The following GAB2 variants were observed in gnomAD, a reference collection of about 807,000 sequenced individuals.
The protein encoded by GAB2 is GRB2-associated-binding protein 2.
In GAB2, 26 loss-of-function variants were observed where a neutral mutation model predicts 65.5. The observed-to-expected ratio is 0.40, with a 90% CI of 0.29 to 0.55. The LOEUF is 0.55. GAB2 is among the 20% of genes least tolerant of loss of function. The probability of loss-of-function intolerance (pLI) is 0.53; values close to 1 mark genes in which losing one functional copy is unlikely to be tolerated. For synonymous variants in GAB2, 321 were observed against 329.6 expected, an observed-to-expected ratio of 0.97 and a Z score of 0.28; for missense variants, 884 against 875.8, an observed-to-expected ratio of 1.01 and a Z score of -0.12.
chr11:78,342,842 T>C (rs754462328), intron 1 of GAB2, among the ~76,000 whole-genome samples: 3 of 152,190 alleles, frequency 2.0e-5, no homozygotes, highest in Non-Finnish European at 4.4e-5. Context: ...TTAGTACAAG[T>C]AGGAGGCTCT....
At chr11:78,357,822 T>C (rs557952802) in intron 1 of GAB2, among the ~76,000 whole-genome samples, 24 of 152,234 alleles carry the variant, frequency 1.6e-4, no homozygotes, top group African/African-American at 4.8e-4. Flanking sequence ...TGTGGAGAAA[T>C]AGGAACACTT....
At chr11:78,289,174 T>C (rs555085282) in intron 1 of GAB2, among the ~76,000 whole-genome samples, 1 of 152,244 alleles carries the variant, frequency 6.6e-6, no homozygotes, top group Admixed American at 6.5e-5. Flanking sequence ...CCAAGGTAGG[T>C]GGATCACTTG....
chr11:78,389,737 A>G (rs1181759609), intron 1 of GAB2, among the ~76,000 whole-genome samples: 1 of 152,232 alleles, frequency 6.6e-6, no homozygotes, highest in Admixed American at 6.5e-5. Flanking sequence ...TTACATCCCA[A>G]CAAAGCTGTT....
intron 1 of GAB2, among the ~76,000 whole-genome samples, chr11:78,317,103 G>C (rs925996641): frequency 1.5e-4 from 23 of 152,138 alleles, no homozygotes; most frequent in African/African-American, 5.6e-4. Flanking sequence ...GATTCAGAGA[G>C]ACAAAAAATA....
chr11:78,297,686 T>G (rs1378689957), intron 1 of GAB2, among the ~76,000 whole-genome samples: 3 of 151,960 alleles, frequency 2.0e-5, no homozygotes, highest in African/African-American at 7.3e-5. Flanking sequence ...AAGGCAGGGG[T>G]AGATTGAAGT....
At chr11:78,237,042 G>T (rs1865001610) in intron 3 of GAB2, among the ~76,000 whole-genome samples, 1 of 152,094 alleles carries the variant, frequency 6.6e-6, no homozygotes, top group East Asian at 1.9e-4. Flanking sequence ...TGATAGTAGG[G>T]TTATGCTGGT....
chr11:78,377,260 G>A (rs1856643008), intron 1 of GAB2, among the ~76,000 whole-genome samples: 1 of 152,246 alleles, frequency 6.6e-6, no homozygotes, highest in Non-Finnish European at 1.5e-5. Context: ...CCAGGATGAA[G>A]GAACTAGTAG....
rs905530436 is a variant in GAB2, at chr11:78,264,531, G to A, written c.377-14131C>T. On this transcript the variant is annotated intron_variant, in intron 2 of 9. Transcript: ENST00000361507. The stretch of plus-strand genomic sequence containing the variant: ...TTTTCCTGCCGCAGCCTCCTGAGTA[G>A]CTGGGACTACAGGCACGTGCCACCA... Among the ~76,000 whole-genome samples, 5 of 151,988 alleles carry A rather than the reference G, an allele frequency of 3.3e-5. No individual in the cohort carries two copies. The East Asian group carries it at 9.6e-4, about 29-fold the overall frequency.
chr11:78,234,779 G>T (rs1864940155), intron 3 of GAB2, among the ~76,000 whole-genome samples: 1 of 151,958 alleles, frequency 6.6e-6, no homozygotes, highest in Non-Finnish European at 1.5e-5. Flanking sequence ...TATAAATCCT[G>T]ACTTTATTGT....
At chr11:78,413,860 G>A (rs879843315) in intron 1 of GAB2, among the ~76,000 whole-genome samples, 12 of 152,022 alleles carry the variant, frequency 7.9e-5, no homozygotes, top group Admixed American at 2.6e-4. Flanking sequence ...AGGCCGAGGC[G>A]GGTGGATCAC....
At chr11:78,415,447 A>C (rs1857183488) in intron 1 of GAB2, among the ~76,000 whole-genome samples, 2 of 152,218 alleles carry the variant, frequency 1.3e-5, no homozygotes, top group African/African-American at 4.8e-5. Flanking sequence ...AACAGGATGC[A>C]AAAATTCTGA....
At chr11:78,270,456 G>C (rs1202755870) in intron 2 of GAB2, among the ~76,000 whole-genome samples, 1 of 152,176 alleles carries the variant, frequency 6.6e-6, no homozygotes, top group African/African-American at 2.4e-5. Flanking sequence ...TGTGACAATG[G>C]GTTGGGAAAA....
intron 2 of GAB2, among the ~76,000 whole-genome samples, chr11:78,266,214 C>CA (rs11445907): frequency 0.033 from 2,127 of 65,016 alleles, 270 homozygotes; most frequent in African/African-American, 0.096. Context: ...GACTCCATCT[C>CA]AAAAAAAAAA....
intron 2 of GAB2, among the ~76,000 whole-genome samples, chr11:78,271,275 T>C (rs1279476725): frequency 6.6e-6 from 1 of 152,212 alleles, no homozygotes; most frequent in Non-Finnish European, 1.5e-5. Context: ...GCTTCCTTAT[T>C]CTGAGGACTG....
chr11:78,377,503 G>C (rs1236078968), intron 1 of GAB2, among the ~76,000 whole-genome samples: 1 of 152,088 alleles, frequency 6.6e-6, no homozygotes, highest in African/African-American at 2.4e-5. Flanking sequence ...GGTTTTGGGG[G>C]GACACAAACA....
intron 4 of GAB2, among the ~76,000 whole-genome samples, chr11:78,225,886 A>G (rs11237419): frequency 0.016 from 2,457 of 152,348 alleles, 82 homozygotes; most frequent in African/African-American, 0.057. Flanking sequence ...TGCAAAATGA[A>G]AGGAATTAAT....
At chr11:78,322,974 G>A (rs2090095) in intron 1 of GAB2, among the ~76,000 whole-genome samples, 40,724 of 151,880 alleles carry the variant, frequency 0.27, 6,396 homozygotes, top group African/African-American at 0.42. Flanking sequence ...CTGAGTATAT[G>A]TACAAAGGAA....
At chr11:78,355,666 G>C (rs1016354164) in intron 1 of GAB2, among the ~76,000 whole-genome samples, 2 of 99,732 alleles carry the variant, frequency 2.0e-5, no homozygotes, top group Admixed American at 2.8e-4. Flanking sequence ...AACAGAGAGA[G>C]ACCCTGTCTC....
intron 2 of GAB2, among the ~76,000 whole-genome samples, chr11:78,267,493 A>G (rs1451072063): frequency 2.0e-5 from 3 of 152,170 alleles, no homozygotes; most frequent in African/African-American, 4.8e-5. Context: ...ATAATGTCAA[A>G]TATGGAAAAC....
Sources: gnomAD v4.1 joint callset for allele counts (sites outside exome capture counted in the v4.1 genomes callset) on GRCh38, gnomAD v4.1.1 for gene constraint, MANE v1.5 for transcripts, NCBI Gene and HGNC (gene_info 2026-07-23, HGNC 2026-07-21) for gene names.